The following TAFA2 variants were observed in gnomAD, a reference collection of about 807,000 sequenced individuals.
The protein encoded by TAFA2 is chemokine-like protein TAFA-2.
In TAFA2, 7 loss-of-function variants were observed where a neutral mutation model predicts 18.8. The observed-to-expected ratio is 0.37, with a 90% CI of 0.21 to 0.70. The LOEUF is 0.70. Ranked by LOEUF, TAFA2 falls within the 30% of genes least tolerant of loss-of-function variation. The probability of loss-of-function intolerance (pLI) is 0.53; values close to 1 mark genes in which losing one functional copy is unlikely to be tolerated. For missense variants in TAFA2, 122 were observed against 158.1 expected (o/e 0.77, Z 1.23); for synonymous variants, 60 against 54.2 (o/e 1.11, Z -0.47).
intron 1 of TAFA2, among the ~76,000 whole-genome samples, chr12:61,961,743 T>C (rs534581868): frequency 2.0e-5 from 3 of 152,150 alleles, no homozygotes; most frequent in South Asian, 4.1e-4. Context: ...AAGTTCTCCA[T>C]GTGATTGGTT....
intron 2 of TAFA2, among the ~76,000 whole-genome samples, chr12:61,836,045 C>A (rs944980927): frequency 2.0e-5 from 3 of 151,872 alleles, no homozygotes; most frequent in Admixed American, 6.6e-5. Context: ...GTCCTCCAGT[C>A]CTAGCCTTAG....
chr12:61,799,309 C>G (rs1363875508), intron 2 of TAFA2, among the ~76,000 whole-genome samples: 1 of 152,098 alleles, frequency 6.6e-6, no homozygotes, highest in Non-Finnish European at 1.5e-5. Flanking sequence ...GAAGAAGTCA[C>G]ACTATAAGTG....
intron 4 of TAFA2, among the ~76,000 whole-genome samples, chr12:61,731,364 A>G (rs1425203283): frequency 2.6e-5 from 4 of 152,068 alleles, no homozygotes; most frequent in African/African-American, 7.2e-5. Flanking sequence ...AAAGTTTACA[A>G]TGTTAGTCTC....
intron 1 of TAFA2, among the ~76,000 whole-genome samples, chr12:62,007,792 A>G (rs1166015086): frequency 6.6e-6 from 1 of 152,248 alleles, no homozygotes; most frequent in Non-Finnish European, 1.5e-5. Flanking sequence ...AATCAATGTA[A>G]TTAGCAAATC....
intron 2 of TAFA2, among the ~76,000 whole-genome samples, chr12:61,850,018 C>T (rs7302585): frequency 0.35 from 53,667 of 151,856 alleles, 9,752 homozygotes; most frequent in Non-Finnish European, 0.4. Context: ...AACTGACTAA[C>T]TCTAGGTCAT....
chr12:61,938,239 A>G (rs942106354), intron 1 of TAFA2, among the ~76,000 whole-genome samples: 13 of 151,812 alleles, frequency 8.6e-5, no homozygotes, highest in African/African-American at 2.9e-4. Flanking sequence ...GTAAAAAAAA[A>G]AAAAAAAAAA....
intron 2 of TAFA2, among the ~76,000 whole-genome samples, chr12:61,856,634 G>A (rs1407174736): frequency 6.6e-6 from 1 of 151,868 alleles, no homozygotes; most frequent in Non-Finnish European, 1.5e-5. Context: ...ATCTAGTCTA[G>A]ATCATTTTTG....
chr12:61,957,951 C>T (rs1878754300), intron 1 of TAFA2, among the ~76,000 whole-genome samples: 1 of 151,966 alleles, frequency 6.6e-6, no homozygotes, highest in Admixed American at 6.6e-5. Flanking sequence ...AAATGTGGAG[C>T]CATTGACACA....
intron 1 of TAFA2, among the ~76,000 whole-genome samples, chr12:62,136,203 A>T (rs971145990): frequency 6.6e-6 from 1 of 152,172 alleles, no homozygotes; most frequent in African/African-American, 2.4e-5. Flanking sequence ...ATCAGTTTAG[A>T]TTAAGTTGAT....
At chr12:61,974,228 T>C (rs558373048) in intron 1 of TAFA2, among the ~76,000 whole-genome samples, 1 of 151,816 alleles carries the variant, frequency 6.6e-6, no homozygotes, top group East Asian at 1.9e-4. Flanking sequence ...TTGCCAAATG[T>C]ATAAGTTTAA....
chr12:62,122,656 C>T lies in TAFA2; in HGVS notation c.-2+68603G>A, dbSNP rs188977378. Among the ~76,000 whole-genome samples, 5 of 152,310 alleles carry T rather than the reference C, an allele frequency of 3.3e-5. No individual in the cohort carries two copies. In the East Asian group the frequency reaches 7.7e-4, roughly 23 times the overall value. On this transcript the variant is annotated intron_variant, in intron 1 of 4. Coordinates refer to ENST00000416284, the MANE Select transcript of TAFA2 (RefSeq NM_178539.5). ...ACATAGTCCATATATACCCACCGTA[C>T]TGCACTGCCTCTGTATAGATTCCTC...
chr12:62,018,986 CA>C (rs1220721013), intron 1 of TAFA2, among the ~76,000 whole-genome samples: 9 of 152,162 alleles, frequency 5.9e-5, no homozygotes, highest in African/African-American at 2.2e-4. Flanking sequence ...AAGAAAAAAA[CA>C]AACAACCCCA....
At chr12:62,165,792 T>C (rs990464377) in intron 1 of TAFA2, among the ~76,000 whole-genome samples, 1 of 152,114 alleles carries the variant, frequency 6.6e-6, no homozygotes, top group African/African-American at 2.4e-5. Context: ...AAGAGCTTCT[T>C]AACTGATGGC....
At chr12:62,018,074 T>C (rs1880998787) in intron 1 of TAFA2, among the ~76,000 whole-genome samples, 1 of 152,146 alleles carries the variant, frequency 6.6e-6, no homozygotes, top group Non-Finnish European at 1.5e-5. Context: ...AATTTCCCCA[T>C]GGAAATGGGG....
intron 1 of TAFA2, among the ~76,000 whole-genome samples, chr12:62,174,788 A>T (rs1242103532): frequency 1.3e-5 from 2 of 152,230 alleles, no homozygotes; most frequent in East Asian, 1.9e-4. Context: ...CCTCATTTTG[A>T]ATACGAATAT....
intron 1 of TAFA2, among the ~76,000 whole-genome samples, chr12:61,967,874 T>A (rs1401169598): frequency 6.6e-6 from 1 of 151,820 alleles, no homozygotes; most frequent in Non-Finnish European, 1.5e-5. Flanking sequence ...TTAGAGTTAG[T>A]CCAGATAGGA....
intron 1 of TAFA2, among the ~76,000 whole-genome samples, chr12:61,911,882 G>A (rs1337754948): frequency 6.6e-6 from 1 of 152,124 alleles, no homozygotes; most frequent in Non-Finnish European, 1.5e-5. Context: ...AGAAACACAA[G>A]AAAAGATGTA....
chr12:61,836,973 C>T (rs966125161), intron 2 of TAFA2, among the ~76,000 whole-genome samples: 47 of 150,990 alleles, frequency 3.1e-4, no homozygotes, highest in African/African-American at 1.1e-3. Flanking sequence ...CCTATTTCTA[C>T]CATTTTAATT....
intron 2 of TAFA2, among the ~76,000 whole-genome samples, chr12:61,837,246 A>C (rs1216628078): frequency 2.6e-5 from 4 of 151,816 alleles, no homozygotes; most frequent in Non-Finnish European, 4.4e-5. Context: ...ATTTGTTTTT[A>C]TTTTCTTTTC....
Sources: allele counts gnomAD v4.1 joint callset (sites outside exome capture counted in the v4.1 genomes callset), GRCh38; gene constraint gnomAD v4.1.1; transcripts MANE v1.5; gene names NCBI Gene and HGNC (gene_info 2026-07-23, HGNC 2026-07-21).